TANC2: variants seen among roughly 807,000 people sequenced by gnomAD.
The protein encoded by TANC2 is tetratricopeptide repeat, ankyrin repeat and coiled-coil containing 2, also known as protein TANC2.
A neutral mutation model predicts 210.5 loss-of-function variants in TANC2; 26 were observed. The observed-to-expected ratio is 0.12, with a 90% CI of 0.09 to 0.17. The LOEUF is 0.17. Among genes scored for constraint, TANC2 ranks in the 10% least tolerant of loss-of-function variants. TANC2 has a pLI of 1.00. For missense variants in TANC2, 2,129 were observed against 2,608.9 expected, an observed-to-expected ratio of 0.82 and a Z score of 4.01; for synonymous variants, 931 against 967.1, an observed-to-expected ratio of 0.96 and a Z score of 0.69.
At chr17:63,315,095 A>G (rs1373464338) in intron 10 of TANC2, among the ~76,000 whole-genome samples, 1 of 152,026 alleles carries the variant, frequency 6.6e-6, no homozygotes, top group Non-Finnish European at 1.5e-5. Flanking sequence ...CACTGCTTGG[A>G]CTTGAGCTTC....
At chr17:63,135,865 G>A (rs750756455) in intron 4 of TANC2, among the ~76,000 whole-genome samples, 1 of 152,128 alleles carries the variant, frequency 6.6e-6, no homozygotes, top group Non-Finnish European at 1.5e-5. Context: ...TAGATATACG[G>A]AAATGAAACC....
chr17:63,372,040 A>G (rs187860894), intron 14 of TANC2, among the ~76,000 whole-genome samples: 87 of 152,272 alleles, frequency 5.7e-4, no homozygotes, highest in Non-Finnish European at 1.1e-3. Context: ...TTATCCAGCA[A>G]AGGGGAGGAG....
intron 4 of TANC2, among the ~76,000 whole-genome samples, chr17:63,113,003 C>A (rs1173357543): frequency 6.6e-6 from 1 of 152,156 alleles, no homozygotes; most frequent in Admixed American, 6.5e-5. Context: ...ACTTGCTTAA[C>A]TTCCCACCTG....
At chr17:63,066,408 G>C (rs931278566) in intron 2 of TANC2, among the ~76,000 whole-genome samples, 1 of 152,148 alleles carries the variant, frequency 6.6e-6, no homozygotes, top group African/African-American at 2.4e-5. Context: ...GGAGCCTGAA[G>C]CTGTCGGGGC....
intron 1 of TANC2, among the ~76,000 whole-genome samples, chr17:62,972,584 C>T (rs149204247): frequency 7.6e-4 from 115 of 152,228 alleles, no homozygotes; most frequent in African/African-American, 2.4e-3. Context: ...TCTTCCATTG[C>T]GTTGCTTCCA....
exon 28 of TANC2, chr17:63,425,698 G>A (rs950980078): frequency 6.6e-6 from 1 of 152,248 alleles, no homozygotes; most frequent in Non-Finnish European, 1.5e-5. Flanking sequence ...GAAGGCAACA[G>A]AGGCCTGGAA....
chr17:62,983,381 A>T (rs1568294845), intron 1 of TANC2, among the ~76,000 whole-genome samples: 1 of 151,814 alleles, frequency 6.6e-6, no homozygotes, highest in Admixed American at 6.6e-5. Flanking sequence ...TTAATTTAAA[A>T]TTTTTTTGCA....
chr17:63,061,141 C>A (rs922885428), intron 2 of TANC2, among the ~76,000 whole-genome samples: 2 of 152,058 alleles, frequency 1.3e-5, no homozygotes, highest in African/African-American at 4.8e-5. Flanking sequence ...CCGAGGTGGG[C>A]GGATCACCTG....
chr17:63,272,268 G>A (rs748189149), intron 9 of TANC2, among the ~76,000 whole-genome samples: 16 of 151,990 alleles, frequency 1.1e-4, no homozygotes, highest in Non-Finnish European at 1.9e-4. Context: ...GTAGTTGTAG[G>A]TTTGCAGTCT....
At chr17:63,064,850 A>G (rs9635746) in intron 2 of TANC2, among the ~76,000 whole-genome samples, 23,856 of 151,806 alleles carry the variant, frequency 0.16, 2,389 homozygotes, top group South Asian at 0.35. Flanking sequence ...TAGTTAACCT[A>G]TCTAATGTCT....
At chr17:63,419,341 A>G (rs1178145882) in intron 27 of TANC2, among the ~76,000 whole-genome samples, 2 of 152,230 alleles carry the variant, frequency 1.3e-5, no homozygotes. Context: ...TGATATTAGT[A>G]GAGAAGATGG....
At chr17:63,358,016 A>G (rs2046827653) in intron 14 of TANC2, among the ~76,000 whole-genome samples, 1 of 152,226 alleles carries the variant, frequency 6.6e-6, no homozygotes. Flanking sequence ...GAGGCAACAC[A>G]ACATTCTTAC....
intron 2 of TANC2, among the ~76,000 whole-genome samples, chr17:63,035,982 G>A (rs1379797988): frequency 6.6e-6 from 1 of 152,044 alleles, no homozygotes; most frequent in African/African-American, 2.4e-5. Context: ...CTTGTCTTCC[G>A]TGTATCCTGT....
intron 9 of TANC2, among the ~76,000 whole-genome samples, chr17:63,282,413 A>T (rs569087376): frequency 1.2e-4 from 19 of 152,198 alleles, no homozygotes; most frequent in African/African-American, 4.3e-4. Context: ...AGCACAACTT[A>T]CCAAAACTAA....
At chr17:62,979,362 A>G (rs2032186662) in intron 1 of TANC2, among the ~76,000 whole-genome samples, 1 of 151,898 alleles carries the variant, frequency 6.6e-6, no homozygotes. Flanking sequence ...TTATTTTGCA[A>G]TAGCATGTTA....
intron 5 of TANC2, among the ~76,000 whole-genome samples, chr17:63,180,301 C>T (rs1598543709): frequency 6.6e-6 from 1 of 152,118 alleles, no homozygotes; most frequent in South Asian, 2.1e-4. Context: ...TCTGAAAGCA[C>T]GAGTATGAAT....
At chr17:63,302,783 A>C (rs1429977257) in intron 9 of TANC2, among the ~76,000 whole-genome samples, 1 of 151,098 alleles carries the variant, frequency 6.6e-6, no homozygotes, top group Non-Finnish European at 1.5e-5. Context: ...TTTTGTTTTG[A>C]GATGGAGTCT....
At chr17:62,971,594 T>C (rs2031696761) in intron 1 of TANC2, among the ~76,000 whole-genome samples, 1 of 152,242 alleles carries the variant, frequency 6.6e-6, no homozygotes, top group Admixed American at 6.5e-5. Context: ...CCTCCCAAAG[T>C]GCTGGGATTA....
intron 9 of TANC2, among the ~76,000 whole-genome samples, chr17:63,299,695 T>C (rs2044648893): frequency 6.6e-6 from 1 of 152,204 alleles, no homozygotes; most frequent in African/African-American, 2.4e-5. Flanking sequence ...TTTTGTCAGA[T>C]GGATCGATTG....
Sources: gnomAD v4.1 joint callset for allele counts (sites outside exome capture counted in the v4.1 genomes callset) on GRCh38, gnomAD v4.1.1 for gene constraint, MANE v1.5 for transcripts, NCBI Gene and HGNC (gene_info 2026-07-23, HGNC 2026-07-21) for gene names.